TANGO6: variants seen among roughly 807,000 people sequenced by gnomAD.
The protein encoded by TANGO6 is transport and golgi organization 6 homolog.
TANGO6 carries 90 observed loss-of-function variants against 114.2 expected under a neutral mutation model. The observed-to-expected ratio is 0.79, with a 90% confidence interval of 0.66 to 0.94. The LOEUF (loss-of-function observed/expected upper bound fraction) is 0.94, where lower values mean the gene tolerates loss of function less well. Among genes scored for constraint, TANGO6 ranks in the 40% least tolerant of loss-of-function variants. The pLI is 0.00. For synonymous variants in TANGO6, 477 were observed against 509.8 expected (o/e 0.94, Z 0.87); for missense variants, 1,274 against 1,315.3 (o/e 0.97, Z 0.49).
At chr16:68,843,817 G>C in intron 1 of TANGO6, 106 bp downstream of exon 1, 2 of 1,054,816 alleles carry the variant, frequency 1.9e-6, no homozygotes, top group Non-Finnish European at 2.9e-6. Flanking sequence ...GGCCCGCCTC[G>C]GGACCCTCCG....
At chr16:68,854,062 T>G (rs1961947077) in intron 1 of TANGO6, among the ~76,000 whole-genome samples, 1 of 152,234 alleles carries the variant, frequency 6.6e-6, no homozygotes, top group Non-Finnish European at 1.5e-5. Flanking sequence ...TCCCTATCTG[T>G]GGCTTGCCTT....
At chr16:69,066,587 G>A (rs996781577) in intron 17 of TANGO6, among the ~76,000 whole-genome samples, 6 of 152,134 alleles carry the variant, frequency 3.9e-5, no homozygotes, top group African/African-American at 1.2e-4. Context: ...ATAAGCCACC[G>A]CGCCCGGACT....
chr16:69,070,139 C>T (rs953218650), intron 17 of TANGO6, among the ~76,000 whole-genome samples: 1 of 150,918 alleles, frequency 6.6e-6, no homozygotes, highest in Non-Finnish European at 1.5e-5. Context: ...ACCCAGGAAG[C>T]GGAGGTTGCA....
chr16:68,988,699 T>TTTTC (rs1184959712), intron 15 of TANGO6, among the ~76,000 whole-genome samples: 2 of 143,904 alleles, frequency 1.4e-5, no homozygotes, highest in Non-Finnish European at 3.0e-5. Context: ...TCTCTTTTTT[T>TTTTC]TTTTTTTTTT....
intron 4 of TANGO6, among the ~76,000 whole-genome samples, chr16:68,871,962 T>A (rs937462165): frequency 6.6e-6 from 1 of 152,100 alleles, no homozygotes; most frequent in African/African-American, 2.4e-5. Context: ...CCAGGCGCAG[T>A]GGCTCAAGCC....
intron 15 of TANGO6, among the ~76,000 whole-genome samples, chr16:68,980,429 A>ATTT (rs1401471877): frequency 3.1e-5 from 2 of 63,554 alleles, no homozygotes; most frequent in African/African-American, 1.0e-4. Flanking sequence ...ATATATATAT[A>ATTT]TATATATTTT....
intron 17 of TANGO6, among the ~76,000 whole-genome samples, chr16:69,048,045 CTGGAAGCATCTTTAGAAGAGTT>C (rs1959889883): frequency 6.6e-6 from 1 of 151,868 alleles, no homozygotes; most frequent in South Asian, 2.1e-4. Flanking sequence ...CAAGCCAAAC[CTGGAAGCATCTTTAGAAGAGTT>C]TGGGAGTTTT....
chr16:68,917,035 C>T (rs1184749969), intron 11 of TANGO6, among the ~76,000 whole-genome samples: 2 of 152,154 alleles, frequency 1.3e-5, no homozygotes, highest in Non-Finnish European at 2.9e-5. Context: ...AGTTTCACCA[C>T]CCTAAAAATC....
rs180935080 is a variant in TANGO6, at chr16:69,083,253, G to T, written c.3109-232G>T. On this transcript the variant is annotated intron_variant, in intron 17 of 17. Coordinates refer to ENST00000261778, the MANE Select transcript of TANGO6 (RefSeq NM_024562.2). ...TTTTTGTATATTTTGTAGAGATGGG[G>T]TTTTGCCACGTTGCCCACGCTGGTC... 1.8e-3 allele frequency among the ~76,000 whole-genome samples: 281 copies of T among 152,110 alleles called. 5 individuals are homozygous for T. The highest frequency in any genetic ancestry group is 0.015 in the Admixed American group (226 of 15,272).
chr16:69,068,434 CA>C (rs1278287346), intron 17 of TANGO6, among the ~76,000 whole-genome samples: 1 of 152,110 alleles, frequency 6.6e-6, no homozygotes, highest in African/African-American at 2.4e-5. Flanking sequence ...TGAACCTGGG[CA>C]AATTGGAAAT....
intron 14 of TANGO6, among the ~76,000 whole-genome samples, chr16:68,940,191 C>T (rs1341021597): frequency 1.5e-5 from 2 of 137,000 alleles, no homozygotes; most frequent in African/African-American, 5.4e-5. Flanking sequence ...TCCTTCTTTT[C>T]TTTCTTTCTC....
intron 9 of TANGO6, among the ~76,000 whole-genome samples, chr16:68,904,777 T>C (rs1330976857): frequency 6.6e-6 from 1 of 152,200 alleles, no homozygotes; most frequent in East Asian, 1.9e-4. Flanking sequence ...GCCTTTGTAT[T>C]TGTTTATATG....
At chr16:68,880,317 C>T (rs1275982493) in intron 6 of TANGO6, among the ~76,000 whole-genome samples, 10 of 152,002 alleles carry the variant, frequency 6.6e-5, no homozygotes, top group African/African-American at 9.7e-5. Flanking sequence ...TAATTGGCAA[C>T]GTTGGTGTTT....
intron 15 of TANGO6, among the ~76,000 whole-genome samples, chr16:69,001,902 C>A (rs374667669): frequency 3.7e-4 from 56 of 152,276 alleles, no homozygotes; most frequent in African/African-American, 1.3e-3. Context: ...CTGTAAGCAA[C>A]TGCCATCAGC....
chr16:68,988,407 C>A (rs904709894), intron 15 of TANGO6, among the ~76,000 whole-genome samples: 4 of 152,216 alleles, frequency 2.6e-5, no homozygotes, highest in African/African-American at 2.4e-5. Context: ...GCTCCTCCCC[C>A]ACTAACAGAT....
chr16:68,925,213 G>T (rs1963150579), intron 12 of TANGO6, among the ~76,000 whole-genome samples: 1 of 152,098 alleles, frequency 6.6e-6, no homozygotes. Flanking sequence ...AAGAGGCTGA[G>T]GTGGGGGAAT....
At chr16:68,972,315 C>T (rs1963714766) in intron 14 of TANGO6, among the ~76,000 whole-genome samples, 1 of 152,054 alleles carries the variant, frequency 6.6e-6, no homozygotes, top group African/African-American at 2.4e-5. Flanking sequence ...CACAGCTCAG[C>T]AGATGCGGCG....
In TANGO6 at chr16:68,875,287, C is replaced by T; in HGVS notation, c.1128C>T (p.Pro376=). The change falls in exon 5 of 18, where the codon CCC becomes CCT. Residue 376 remains proline (P), a synonymous_variant. Coordinates refer to ENST00000261778, the MANE Select transcript of TANGO6 (RefSeq NM_024562.2). The stretch of plus-strand genomic sequence containing the variant: ...AGAATTACTACAGGGACATCTGCCC[C>T]CAGGTAAATCTTTTTGTTTCTATTG... ...SPENYYRDIC[P]QVLDLFHFQD... The T allele has an allele frequency of 4.3e-6, 7 of 1,611,696 alleles. No homozygotes were observed. The highest frequency in any genetic ancestry group is 5.9e-6 in the Non-Finnish European group (7 of 1,178,474).
chr16:68,946,317 G>A (rs1226624734), intron 14 of TANGO6, among the ~76,000 whole-genome samples: 3 of 151,342 alleles, frequency 2.0e-5, no homozygotes, highest in South Asian at 2.1e-4. Context: ...TCAGCCTCCC[G>A]AGTAGCTGGG....
Sources: gnomAD v4.1 joint callset for allele counts (sites outside exome capture counted in the v4.1 genomes callset) on GRCh38, gnomAD v4.1.1 for gene constraint, MANE v1.5 for transcripts, NCBI Gene and HGNC (gene_info 2026-07-23, HGNC 2026-07-21) for gene names.